The following ALOX5AP variants were observed in gnomAD, a reference collection of about 807,000 sequenced individuals.
ALOX5AP encodes the protein arachidonate 5-lipoxygenase activating protein.
In ALOX5AP, 9 loss-of-function variants were observed where a neutral mutation model predicts 18.5. That is an observed-to-expected ratio of 0.49 (90% CI 0.29 to 0.85). The LOEUF (loss-of-function observed/expected upper bound fraction) is 0.85, where lower values mean the gene tolerates loss of function less well. Ranked by LOEUF, ALOX5AP falls within the 40% of genes least tolerant of loss-of-function variation. The pLI is 0.08. For missense variants in ALOX5AP, 172 were observed against 202.5 expected, an observed-to-expected ratio of 0.85 and a Z score of 0.91; for synonymous variants, 81 against 78.6, an observed-to-expected ratio of 1.03 and a Z score of -0.16.
At position 30,747,805 on chromosome 13, in the gene ALOX5AP, C is replaced by A. The variant is rs139488946; in HGVS notation, c.170+3646C>A. On this transcript the variant is annotated intron_variant, in intron 2 of 4. Transcript: ENST00000380490. The stretch of plus-strand genomic sequence containing the variant: ...ATTATTTAACTACAGACACCCCTAC[C>A]GCCCACTTTTTGCAGAGTGTATCAA... 1.7e-4 allele frequency among the ~76,000 whole-genome samples: 26 copies of A among 152,224 alleles called. No homozygotes were observed. The East Asian group carries it at 4.0e-3, about 24-fold the overall frequency.
intron 3 of ALOX5AP, 38 bp downstream of exon 3, chr13:30,752,160 A>C: frequency 6.3e-7 from 1 of 1,597,532 alleles, no homozygotes; most frequent in East Asian, 2.2e-5. Context: ...TCCTTCTATA[A>C]AGTGCATCTC....
At chr13:30,763,658 AG>A (rs1951964455) in intron 4 of ALOX5AP, among the ~76,000 whole-genome samples, 1 of 152,164 alleles carries the variant, frequency 6.6e-6, no homozygotes, top group African/African-American at 2.4e-5. Context: ...GGAGCTCTGG[AG>A]TTAAGGAAAT....
At chr13:30,742,940 G>T (rs933602755) in intron 1 of ALOX5AP, among the ~76,000 whole-genome samples, 7 of 107,530 alleles carry the variant, frequency 6.5e-5, no homozygotes, top group Non-Finnish European at 1.1e-4. Flanking sequence ...CACCCCCACC[G>T]CCACCACCCC....
At chr13:30,733,547 T>C (rs944137426), upstream of ALOX5AP, among the ~76,000 whole-genome samples, 54 of 152,336 alleles carry the variant, frequency 3.5e-4, no homozygotes, top group African/African-American at 1.3e-3. Context: ...TAACCAATCT[T>C]GTAATAACTC....
At chr13:30,754,171 G>A (rs1023118709) in intron 3 of ALOX5AP, among the ~76,000 whole-genome samples, 14 of 152,168 alleles carry the variant, frequency 9.2e-5, no homozygotes, top group African/African-American at 1.4e-4. Context: ...CCTGGGAGGC[G>A]GAGGTTGCGG....
intron 1 of ALOX5AP, among the ~76,000 whole-genome samples, chr13:30,717,474 C>G (rs2081066379): frequency 6.6e-6 from 1 of 152,206 alleles, no homozygotes; most frequent in African/African-American, 2.4e-5. Flanking sequence ...GAGGGCTGGC[C>G]TTTGGAACTT....
intron 4 of ALOX5AP, among the ~76,000 whole-genome samples, chr13:30,760,525 T>C (rs1951933055): frequency 6.6e-6 from 1 of 152,198 alleles, no homozygotes; most frequent in Admixed American, 6.5e-5. Context: ...TCATGTAAGT[T>C]TTATGCTGCC....
intron 1 of ALOX5AP, among the ~76,000 whole-genome samples, chr13:30,742,058 C>T (rs1951770942): frequency 6.6e-6 from 1 of 152,128 alleles, no homozygotes; most frequent in African/African-American, 2.4e-5. Context: ...CGGCTCACGC[C>T]TGTAATCCCA....
chr13:30,732,971 C>A (rs946453030), upstream of ALOX5AP, among the ~76,000 whole-genome samples: 7 of 151,842 alleles, frequency 4.6e-5, no homozygotes, highest in Non-Finnish European at 8.8e-5. Context: ...CCGGCTAACA[C>A]GGTGAAACCC....
At chr13:30,728,886 C>T (rs1436285144) in intron 1 of ALOX5AP, among the ~76,000 whole-genome samples, 1 of 152,168 alleles carries the variant, frequency 6.6e-6, no homozygotes, top group East Asian at 1.9e-4. Flanking sequence ...CTGTCAAACT[C>T]TTCCCAACAT....
chr13:30,757,994 C>T (rs143498037), intron 4 of ALOX5AP, among the ~76,000 whole-genome samples: 210 of 152,238 alleles, frequency 1.4e-3, no homozygotes, highest in African/African-American at 4.9e-3. Context: ...GGGTTCTAGA[C>T]CCCCTTCTCC....
exon 1 of ALOX5AP, chr13:30,713,744 G>T: frequency 1.3e-6 from 2 of 1,534,322 alleles, no homozygotes; most frequent in Non-Finnish European, 1.7e-6. Flanking sequence ...ATTTAATCAC[G>T]ATGCTCCCTG....
At chr13:30,735,094 T>TCAAAGTCCTGGGCC (rs1232565873), upstream of ALOX5AP, among the ~76,000 whole-genome samples, 12 of 152,260 alleles carry the variant, frequency 7.9e-5, no homozygotes, top group African/African-American at 2.9e-4. Context: ...CACTGTAGCC[T>TCAAAGTCCTGGGCC]CAAAGTCCTG....
upstream of ALOX5AP, chr13:30,735,398 A>T: frequency 9.2e-7 from 1 of 1,089,856 alleles, no homozygotes; most frequent in Non-Finnish European, 1.3e-6. Context: ...CTGGTGGGAC[A>T]CACTGAACCA....
intron 4 of ALOX5AP, among the ~76,000 whole-genome samples, chr13:30,763,584 A>G (rs1459127085): frequency 1.3e-5 from 2 of 152,174 alleles, no homozygotes; most frequent in African/African-American, 2.4e-5. Flanking sequence ...GAGGGTCTTA[A>G]TGGTCCTAAT....
At chr13:30,736,062 C>A (rs535848268) in intron 1 of ALOX5AP, among the ~76,000 whole-genome samples, 22 of 152,288 alleles carry the variant, frequency 1.4e-4, no homozygotes, top group African/African-American at 5.1e-4. Context: ...AGATACTGGG[C>A]TTTTCTAACA....
chr13:30,715,343 G>GTATGATAGTTTTCTTATTATTCTAA (rs1951541978), intron 1 of ALOX5AP, among the ~76,000 whole-genome samples: 1 of 152,228 alleles, frequency 6.6e-6, no homozygotes, highest in East Asian at 1.9e-4. Context: ...TGCACTTAAT[G>GTATGATAGTTTTCTTATTATTCTAA]TATGATAGTT....
chr13:30,713,859 C>A, intron 1 of ALOX5AP: 1 of 1,343,436 alleles, frequency 7.4e-7, no homozygotes, highest in Non-Finnish European at 9.8e-7. Context: ...TGTGTGTGCG[C>A]GCACACGCGC....
At chr13:30,722,857 C>T (rs932383447) in intron 1 of ALOX5AP, among the ~76,000 whole-genome samples, 6 of 152,188 alleles carry the variant, frequency 3.9e-5, no homozygotes, top group African/African-American at 1.4e-4. Context: ...CTTGCTTCCT[C>T]TCTCTCACCT....
Sources: allele counts gnomAD v4.1 joint callset (sites outside exome capture counted in the v4.1 genomes callset), GRCh38; gene constraint gnomAD v4.1.1; transcripts MANE v1.5; gene names NCBI Gene and HGNC (gene_info 2026-07-23, HGNC 2026-07-21).